Variants in GLDN observed in about 807,000 individuals in gnomAD.
The protein encoded by GLDN is collomin.
GLDN carries 47 observed loss-of-function variants against 56.5 expected under a neutral mutation model. The ratio of observed to expected loss-of-function variants is 0.83; its 90% CI spans 0.66 to 1.06. The LOEUF (loss-of-function observed/expected upper bound fraction) is 1.06. Among genes scored for constraint, GLDN ranks in the 50% least tolerant of loss-of-function variants. The pLI is 0.00. For synonymous variants in GLDN, 332 were observed against 278.8 expected (o/e 1.19, Z -1.90); for missense variants, 782 against 714.3 (o/e 1.09, Z -1.08).
chr15:51,387,299 C>A (rs979445494), intron 4 of GLDN, among the ~76,000 whole-genome samples: 27 of 152,218 alleles, frequency 1.8e-4, no homozygotes, highest in African/African-American at 6.3e-4. Flanking sequence ...TGTTCTGGAA[C>A]TTTCCATCTT....
chr15:51,360,705 T>C (rs775956102), intron 1 of GLDN, among the ~76,000 whole-genome samples: 1 of 152,224 alleles, frequency 6.6e-6, no homozygotes, highest in Non-Finnish European at 1.5e-5. Context: ...AAGTTGTGAC[T>C]GGGGAACCTT....
intron 1 of GLDN, among the ~76,000 whole-genome samples, chr15:51,368,454 G>A (rs748810320): frequency 1.5e-4 from 23 of 151,954 alleles, no homozygotes; most frequent in Non-Finnish European, 3.2e-4. Flanking sequence ...CCCCCAGGCC[G>A]CTGATGTGGG....
intron 3 of GLDN, 90 bp from the exon 4 acceptor site, chr15:51,383,695 G>GT: frequency 9.2e-7 from 1 of 1,081,128 alleles, no homozygotes; most frequent in Non-Finnish European, 1.3e-6. Context: ...TGCCTGCTCA[G>GT]TTTCACTGGT....
At chr15:51,370,698 GA>G (rs377463138) in intron 1 of GLDN, among the ~76,000 whole-genome samples, 6 of 151,146 alleles carry the variant, frequency 4.0e-5, no homozygotes, top group Non-Finnish European at 8.9e-5. Context: ...TAAAAAGTGA[GA>G]AAAAAAAATC....
At chr15:51,363,921 T>C (rs887556716) in intron 1 of GLDN, among the ~76,000 whole-genome samples, 2 of 152,250 alleles carry the variant, frequency 1.3e-5, no homozygotes, top group Non-Finnish European at 2.9e-5. Flanking sequence ...TACTCTACTA[T>C]CTTCTCACTT....
At chr15:51,342,666 A>G (rs1302065326) in intron 1 of GLDN, among the ~76,000 whole-genome samples, 1 of 152,162 alleles carries the variant, frequency 6.6e-6, no homozygotes, top group Non-Finnish European at 1.5e-5. Flanking sequence ...CAAATGAGGG[A>G]CGTCAATATG....
At chr15:51,391,748 T>G (rs2038025014) in intron 4 of GLDN, among the ~76,000 whole-genome samples, 1 of 152,184 alleles carries the variant, frequency 6.6e-6, no homozygotes, top group Non-Finnish European at 1.5e-5. Context: ...AGGCATGATT[T>G]GACCCCCATA....
chr15:51,358,864 A>G (rs2037237371), intron 1 of GLDN, among the ~76,000 whole-genome samples: 1 of 152,224 alleles, frequency 6.6e-6, no homozygotes, highest in Non-Finnish European at 1.5e-5. Flanking sequence ...CGAGGGAAGT[A>G]ACTATAATAC....
chr15:51,358,998 C>T (rs1461703882), intron 1 of GLDN, among the ~76,000 whole-genome samples: 4 of 152,088 alleles, frequency 2.6e-5, no homozygotes, highest in Admixed American at 6.5e-5. Flanking sequence ...TACATCCTAC[C>T]GGGGGTCCTC....
chr15:51,393,235 A>G (rs551472216), intron 4 of GLDN, among the ~76,000 whole-genome samples: 1 of 152,266 alleles, frequency 6.6e-6, no homozygotes, highest in East Asian at 1.9e-4. Flanking sequence ...GAATGATTCA[A>G]ATTTTGGACT....
intron 5 of GLDN, among the ~76,000 whole-genome samples, chr15:51,396,959 C>T (rs948942792): frequency 6.6e-6 from 1 of 152,210 alleles, no homozygotes; most frequent in Admixed American, 6.5e-5. Flanking sequence ...ACTTCTGTTA[C>T]GTAGGAAATC....
chr15:51,371,859 A>G (rs574338285), intron 1 of GLDN, among the ~76,000 whole-genome samples: 39 of 152,036 alleles, frequency 2.6e-4, no homozygotes, highest in Non-Finnish European at 4.4e-4. Flanking sequence ...ATTTTTTTCT[A>G]TTTTTAGTAG....
intron 1 of GLDN, among the ~76,000 whole-genome samples, chr15:51,365,120 T>C (rs1186137276): frequency 6.6e-6 from 1 of 152,226 alleles, no homozygotes; most frequent in Non-Finnish European, 1.5e-5. Flanking sequence ...AGAGTCTTGG[T>C]AGTTCAAAGG....
intron 1 of GLDN, among the ~76,000 whole-genome samples, chr15:51,358,973 G>T (rs1461823200): frequency 1.3e-5 from 2 of 152,082 alleles, no homozygotes; most frequent in East Asian, 3.9e-4. Flanking sequence ...CCACAATTAT[G>T]TAAAAAATGT....
intron 4 of GLDN, 87 bp from the exon 5 acceptor site, chr15:51,394,748 C>G: frequency 7.0e-7 from 1 of 1,422,570 alleles, no homozygotes; most frequent in Non-Finnish European, 9.8e-7. Flanking sequence ...AACTGCTTCC[C>G]TGGAAAGCAC....
intron 1 of GLDN, among the ~76,000 whole-genome samples, chr15:51,374,201 A>G (rs1026794037): frequency 2.0e-5 from 3 of 152,206 alleles, no homozygotes; most frequent in Non-Finnish European, 4.4e-5. Flanking sequence ...GATTAGTACC[A>G]AACAGAAAGG....
At chr15:51,396,626 T>G (rs982555961) in intron 5 of GLDN, among the ~76,000 whole-genome samples, 2 of 152,244 alleles carry the variant, frequency 1.3e-5, no homozygotes, top group African/African-American at 2.4e-5. Flanking sequence ...GAACACCATT[T>G]CTGAATCAGA....
intron 1 of GLDN, chr15:51,369,095 AG>A (rs1366726548): frequency 1.3e-5 from 2 of 152,210 alleles, no homozygotes; most frequent in Non-Finnish European, 2.9e-5. Context: ...AAATGAGTCC[AG>A]GGTGTCTGAC....
the GLDN span, among the ~76,000 whole-genome samples, chr15:51,413,031 T>G: frequency 2.0e-5 from 3 of 152,244 alleles, no homozygotes; most frequent in Non-Finnish European, 4.4e-5. Flanking sequence ...TTTATTGATA[T>G]GGTTGGTTTA....
Sources: gnomAD v4.1 joint callset for allele counts (sites outside exome capture counted in the v4.1 genomes callset) on GRCh38, gnomAD v4.1.1 for gene constraint, MANE v1.5 for transcripts, NCBI Gene and HGNC (gene_info 2026-07-23, HGNC 2026-07-21) for gene names.